Variants in FRMD4A observed in about 807,000 individuals in gnomAD.
The protein encoded by FRMD4A is FERM domain-containing protein 4A.
Under a neutral mutation model 129.1 loss-of-function variants are expected in FRMD4A, and 29 were observed. The ratio of observed to expected loss-of-function variants is 0.22; its 90% confidence interval spans 0.17 to 0.31. The LOEUF (loss-of-function observed/expected upper bound fraction) is 0.31, where lower values mean the gene tolerates loss of function less well. Ranked by LOEUF, FRMD4A falls within the 10% of genes least tolerant of loss-of-function variation. The pLI, the probability that FRMD4A is intolerant of heterozygous loss-of-function variation, is 1.00. For missense variants in FRMD4A, 1,272 were observed against 1,375.8 expected (o/e 0.92, Z 1.19); for synonymous variants, 634 against 571.6 (o/e 1.11, Z -1.56).
intron 3 of FRMD4A, among the ~76,000 whole-genome samples, chr10:13,851,639 C>G (rs906502131): frequency 6.6e-6 from 1 of 151,924 alleles, no homozygotes; most frequent in Admixed American, 6.6e-5. Context: ...TGGTGGCTCA[C>G]ACCTGTAATC....
intron 2 of FRMD4A, among the ~76,000 whole-genome samples, chr10:14,312,004 A>C (rs1201340611): frequency 6.6e-6 from 1 of 152,174 alleles, no homozygotes; most frequent in Admixed American, 6.5e-5. Context: ...TCATAGATGA[A>C]ATTTCAATCT....
chr10:14,225,116 TAC>T (rs1843392429), intron 2 of FRMD4A, among the ~76,000 whole-genome samples: 1 of 152,168 alleles, frequency 6.6e-6, no homozygotes, highest in African/African-American at 2.4e-5. Flanking sequence ...AGAATAAATA[TAC>T]ACCAGGTGGC....
intron 3 of FRMD4A, among the ~76,000 whole-genome samples, chr10:13,831,895 C>T (rs2093795563): frequency 2.0e-5 from 3 of 152,198 alleles, no homozygotes; most frequent in South Asian, 4.2e-4. Flanking sequence ...TGGGTGGACT[C>T]CTGCCTCTAT....
In FRMD4A at chr10:14,257,286, G is replaced by A. The variant is rs555656576; in HGVS notation, c.45+72772C>T. Reference sequence around the variant, plus strand: ...GTGGAGGTTGCAGTGAGCCGAGATCGTGCCACCACACTCCAGCCTGGGTGA... The same window carrying A: ...GTGGAGGTTGCAGTGAGCCGAGATCATGCCACCACACTCCAGCCTGGGTGA... On this transcript the variant is annotated intron_variant, in intron 2 of 24. Transcript: ENST00000357447. Among the ~76,000 whole-genome samples the A allele has an allele frequency of 1.6e-4, 25 of 152,210 alleles. No homozygotes were observed. The Middle Eastern group carries it at 0.01, about 62-fold the overall frequency.
intron 2 of FRMD4A, among the ~76,000 whole-genome samples, chr10:13,888,584 T>G (rs1564980153): frequency 6.6e-6 from 1 of 152,232 alleles, no homozygotes; most frequent in Non-Finnish European, 1.5e-5. Flanking sequence ...GGGTTTAGAC[T>G]GAGGAATCAT....
intron 2 of FRMD4A, among the ~76,000 whole-genome samples, chr10:14,067,027 A>G (rs1387680835): frequency 6.6e-6 from 1 of 152,190 alleles, no homozygotes; most frequent in Non-Finnish European, 1.5e-5. Flanking sequence ...GAAAATATTA[A>G]TATGTCTCGG....
intron 2 of FRMD4A, among the ~76,000 whole-genome samples, chr10:14,015,354 CCCTTTTCTCCTT>C (rs2095695812): frequency 6.8e-6 from 1 of 146,658 alleles, no homozygotes; most frequent in Non-Finnish European, 1.5e-5. Context: ...TTCTTCCCTT[CCCTTTTCTCCTT>C]CCTTCCTTCC....
intron 2 of FRMD4A, among the ~76,000 whole-genome samples, chr10:14,064,968 C>G (rs1388003211): frequency 2.0e-5 from 3 of 152,152 alleles, no homozygotes; most frequent in Admixed American, 6.5e-5. Context: ...AGTGGTAATA[C>G]TATATTAGAG....
At chr10:13,673,732 G>T (rs1333487974) in intron 16 of FRMD4A, among the ~76,000 whole-genome samples, 1 of 149,416 alleles carries the variant, frequency 6.7e-6, no homozygotes, top group African/African-American at 2.5e-5. Flanking sequence ...AGCAACTTCT[G>T]TGAGACTAGC....
intron 2 of FRMD4A, among the ~76,000 whole-genome samples, chr10:14,039,120 T>C (rs964532754): frequency 1.3e-5 from 2 of 152,218 alleles, no homozygotes; most frequent in African/African-American, 4.8e-5. Context: ...GTGATTTTTG[T>C]CATGTACTGC....
chr10:14,290,102 G>T (rs1269622131), intron 2 of FRMD4A, among the ~76,000 whole-genome samples: 1 of 152,028 alleles, frequency 6.6e-6, no homozygotes, highest in African/African-American at 2.4e-5. Flanking sequence ...CAGGTAAATG[G>T]AAAGACATCT....
At chr10:14,286,399 T>G (rs1223946021) in intron 2 of FRMD4A, among the ~76,000 whole-genome samples, 1 of 152,220 alleles carries the variant, frequency 6.6e-6, no homozygotes, top group Non-Finnish European at 1.5e-5. Context: ...AGTGAACTTC[T>G]GCAACTTGAC....
At chr10:14,164,444 T>C (rs1174361302) in intron 2 of FRMD4A, among the ~76,000 whole-genome samples, 1 of 152,186 alleles carries the variant, frequency 6.6e-6, no homozygotes, top group Non-Finnish European at 1.5e-5. Flanking sequence ...GTGTCTACAG[T>C]AAGGCTATTC....
chr10:14,163,330 A>G (rs1215657409), intron 2 of FRMD4A, among the ~76,000 whole-genome samples: 1 of 152,244 alleles, frequency 6.6e-6, no homozygotes, highest in Non-Finnish European at 1.5e-5. Flanking sequence ...CTTTGAAGAT[A>G]CTAAGTTATT....
intron 2 of FRMD4A, among the ~76,000 whole-genome samples, chr10:14,216,369 T>G (rs1843075377): frequency 6.6e-6 from 1 of 152,148 alleles, no homozygotes; most frequent in African/African-American, 2.4e-5. Context: ...GAACTGTATT[T>G]GCTCAAAAGT....
chr10:13,700,213 G>T (rs186277086), intron 14 of FRMD4A, among the ~76,000 whole-genome samples: 1 of 151,622 alleles, frequency 6.6e-6, no homozygotes, highest in Non-Finnish European at 1.5e-5. Flanking sequence ...CTCCCGAAGC[G>T]CTGAGACTAC....
chr10:13,767,178 G>A (rs2130722086), intron 6 of FRMD4A, among the ~76,000 whole-genome samples: 1 of 152,268 alleles, frequency 6.6e-6, no homozygotes, highest in East Asian at 1.9e-4. Flanking sequence ...GCTCCCATAT[G>A]ACATTAAGAA....
intron 2 of FRMD4A, among the ~76,000 whole-genome samples, chr10:14,201,840 T>G (rs1487933658): frequency 6.6e-6 from 1 of 152,156 alleles, no homozygotes; most frequent in African/African-American, 2.4e-5. Context: ...TCTTTAAAAT[T>G]CACGTGGAGG....
intron 2 of FRMD4A, among the ~76,000 whole-genome samples, chr10:14,280,421 T>C (rs905783465): frequency 2.0e-5 from 3 of 152,090 alleles, no homozygotes; most frequent in African/African-American, 7.2e-5. Context: ...GCTGGGACTA[T>C]AGGTGCCTCT....
Sources: gnomAD v4.1 joint callset for allele counts (sites outside exome capture counted in the v4.1 genomes callset) on GRCh38, gnomAD v4.1.1 for gene constraint, MANE v1.5 for transcripts, NCBI Gene and HGNC (gene_info 2026-07-23, HGNC 2026-07-21) for gene names.